The following XRCC4 variants were observed in gnomAD, a reference collection of about 807,000 sequenced individuals.
XRCC4 encodes DNA repair protein XRCC4.
XRCC4 carries 28 observed loss-of-function variants against 39.1 expected under a neutral mutation model. That is an observed-to-expected ratio of 0.72 (90% CI 0.53 to 0.98). The LOEUF is 0.98. Ranked by LOEUF, XRCC4 falls within the 50% of genes least tolerant of loss-of-function variation. The pLI, the probability that XRCC4 is intolerant of heterozygous loss-of-function variation, is 0.00. For missense variants in XRCC4, 350 were observed against 376.4 expected, an observed-to-expected ratio of 0.93 and a Z score of 0.58; for synonymous variants, 123 against 126.4, an observed-to-expected ratio of 0.97 and a Z score of 0.18.
chr5:83,123,509 G>A (rs1747111301), intron 3 of XRCC4, among the ~76,000 whole-genome samples: 1 of 151,118 alleles, frequency 6.6e-6, no homozygotes, highest in African/African-American at 2.4e-5. Context: ...CCATTGGGAT[G>A]TTTAGGCCAT....
intron 7 of XRCC4, among the ~76,000 whole-genome samples, chr5:83,321,443 C>G (rs1332232560): frequency 1.3e-5 from 2 of 152,050 alleles, no homozygotes; most frequent in Non-Finnish European, 2.9e-5. Flanking sequence ...TTTGTTAGAG[C>G]TTTTTGATTC....
chr5:83,093,910 C>G (rs1379799069), intron 1 of XRCC4, among the ~76,000 whole-genome samples: 1 of 152,062 alleles, frequency 6.6e-6, no homozygotes, highest in Non-Finnish European at 1.5e-5. Context: ...CGCCCCATCC[C>G]CCGAGCAGTT....
chr5:83,168,778 G>A (rs181846059), intron 3 of XRCC4, among the ~76,000 whole-genome samples: 131 of 152,274 alleles, frequency 8.6e-4, no homozygotes, highest in Non-Finnish European at 1.2e-3. Flanking sequence ...GAAAGATTAT[G>A]AAACTTTTAG....
At chr5:83,281,612 T>A (rs1754542192) in intron 7 of XRCC4, among the ~76,000 whole-genome samples, 1 of 152,200 alleles carries the variant, frequency 6.6e-6, no homozygotes, top group Admixed American at 6.5e-5. Context: ...TTATACTGAC[T>A]GTTCTCTTTA....
At chr5:83,132,306 C>T (rs571573927) in intron 3 of XRCC4, among the ~76,000 whole-genome samples, 9 of 152,006 alleles carry the variant, frequency 5.9e-5, no homozygotes, top group African/African-American at 1.9e-4. Flanking sequence ...ATGTGGCTGC[C>T]CTTAACATTT....
the XRCC4 span, among the ~76,000 whole-genome samples, chr5:83,362,992 A>G: frequency 6.6e-6 from 1 of 152,206 alleles, no homozygotes; most frequent in African/African-American, 2.4e-5. Flanking sequence ...AAATGAAGAC[A>G]TCACTTTTGG....
At position 83,353,530 on chromosome 5, in the gene XRCC4, C is replaced by G; in HGVS notation, c.*288C>G. On this transcript the variant is annotated 3_prime_UTR_variant, in exon 8 of 8. Transcript: ENST00000396027. ...AGGACACATTTATCATATTCATTCA[C>G]ACATATTATATGTGATAGCTGTCCA... The G allele has an allele frequency of 4.7e-6, 1 of 214,552 alleles. No individual in the cohort carries two copies. The highest frequency in any genetic ancestry group is 9.2e-6 in the Non-Finnish European group (1 of 109,248). 13.3% of individuals were successfully genotyped at this position (214,552 alleles called of 1,614,324 possible). A position where few individuals can be genotyped will look rare whatever the true frequency, so the allele number is the denominator to read the frequency against.
At chr5:83,170,532 C>T (rs1749674915) in intron 3 of XRCC4, among the ~76,000 whole-genome samples, 1 of 152,134 alleles carries the variant, frequency 6.6e-6, no homozygotes, top group African/African-American at 2.4e-5. Context: ...CTTCCAAGCT[C>T]ACATAATTGT....
chr5:83,220,923 G>A (rs1752059527), intron 6 of XRCC4, among the ~76,000 whole-genome samples: 1 of 151,914 alleles, frequency 6.6e-6, no homozygotes, highest in African/African-American at 2.4e-5. Flanking sequence ...TTCTTTTTCG[G>A]TGACATCAGT....
chr5:83,306,452 GGCA>G lies in XRCC4; in HGVS notation c.894-46678_894-46676del, dbSNP rs375419144. Among the ~76,000 whole-genome samples the G allele has an allele frequency of 2.5e-3, 385 of 151,838 alleles. 3 individuals are homozygous for G. Among genetic ancestry groups the G allele is most frequent in the African/African-American group, 8.8e-3 (366 of 41,406 alleles). On this transcript the variant is annotated intron_variant, in intron 7 of 7. Coordinates refer to ENST00000396027, the MANE Select transcript of XRCC4 (RefSeq NM_003401.5). Reference sequence around the variant, plus strand: ...ATTTTCTAGCCACATTTTAAAATAGGGCAAAACAATAGAAACATTCAACTTATC... The same window carrying G: ...ATTTTCTAGCCACATTTTAAAATAGGAAACAATAGAAACATTCAACTTATC...
chr5:83,365,027 AT>A, the XRCC4 span, among the ~76,000 whole-genome samples: 1 of 152,224 alleles, frequency 6.6e-6, no homozygotes, highest in Non-Finnish European at 1.5e-5. Flanking sequence ...AGGGCGGTTT[AT>A]TTGGTAAAAT....
intron 7 of XRCC4, among the ~76,000 whole-genome samples, chr5:83,352,226 C>T (rs1757103320): frequency 6.6e-6 from 1 of 152,154 alleles, no homozygotes; most frequent in Non-Finnish European, 1.5e-5. Context: ...GACTCTACCC[C>T]CGCCTTTGAA....
rs116455840 is a variant in XRCC4, at chr5:83,110,299, G to A, written c.140-729G>A. Among the ~76,000 whole-genome samples, 530 of 152,010 alleles carry A rather than the reference G, an allele frequency of 3.5e-3. 2 individuals are homozygous for A. The highest frequency in any genetic ancestry group is 6.2e-3 in the Non-Finnish European group (422 of 67,844). On this transcript the variant is annotated intron_variant, in intron 2 of 7. Coordinates refer to ENST00000396027, the MANE Select transcript of XRCC4 (RefSeq NM_003401.5). ...AGAAATGAAAGAGATCTTAAAATACGTTTATTTAAATATTTAAAAGAAGGG... is the reference window on the plus strand; with the variant it reads ...AGAAATGAAAGAGATCTTAAAATACATTTATTTAAATATTTAAAAGAAGGG...
intron 7 of XRCC4, among the ~76,000 whole-genome samples, chr5:83,334,299 A>G (rs7727606): frequency 0.02 from 2,977 of 152,272 alleles, 87 homozygotes; most frequent in African/African-American, 0.068. Flanking sequence ...TCCTAGGAAT[A>G]AAAACTTCCA....
chr5:83,136,437 G>A (rs888265253), intron 3 of XRCC4, among the ~76,000 whole-genome samples: 1 of 152,072 alleles, frequency 6.6e-6, no homozygotes, highest in African/African-American at 2.4e-5. Flanking sequence ...AGAATTATCC[G>A]GGTACTTGTT....
intron 3 of XRCC4, among the ~76,000 whole-genome samples, chr5:83,186,438 C>A (rs747964520): frequency 2.0e-5 from 3 of 152,142 alleles, no homozygotes; most frequent in Non-Finnish European, 4.4e-5. Flanking sequence ...CTACATCACT[C>A]CCAATTTCTG....
intron 6 of XRCC4, among the ~76,000 whole-genome samples, chr5:83,229,799 T>C (rs1247624050): frequency 2.0e-5 from 3 of 151,780 alleles, no homozygotes; most frequent in Non-Finnish European, 4.4e-5. Context: ...AGTTTCAGTC[T>C]CATTAAATAC....
intron 6 of XRCC4, among the ~76,000 whole-genome samples, chr5:83,244,698 T>G (rs1436205655): frequency 6.6e-6 from 1 of 152,162 alleles, no homozygotes; most frequent in African/African-American, 2.4e-5. Flanking sequence ...GTCATTGTGG[T>G]CTGCCTGGGC....
the XRCC4 span, among the ~76,000 whole-genome samples, chr5:83,372,940 G>C: frequency 6.6e-6 from 1 of 152,168 alleles, no homozygotes; most frequent in South Asian, 2.1e-4. Context: ...TCTGCAGACT[G>C]CTTGAGTGCT....
Sources: allele counts gnomAD v4.1 joint callset (sites outside exome capture counted in the v4.1 genomes callset), GRCh38; gene constraint gnomAD v4.1.1; transcripts MANE v1.5; gene names NCBI Gene and HGNC (gene_info 2026-07-23, HGNC 2026-07-21).